Variants in ITGA6 observed in about 807,000 individuals in gnomAD.
ITGA6 encodes the protein integrin subunit alpha 6, also known as integrin alpha-6.
In ITGA6, 63 loss-of-function variants were observed where a neutral mutation model predicts 133.6. The ratio of observed to expected loss-of-function variants is 0.47; its 90% confidence interval spans 0.38 to 0.58. The LOEUF (loss-of-function observed/expected upper bound fraction) is 0.58. Among genes scored for constraint, ITGA6 ranks in the 20% least tolerant of loss-of-function variants. The pLI is 0.00. For synonymous variants in ITGA6, 434 were observed against 482.0 expected (o/e 0.90, Z 1.30); for missense variants, 1,068 against 1,309.4 (o/e 0.82, Z 2.85).
At chr2:172,443,039 GA>G (rs1315254826) in intron 1 of ITGA6, among the ~76,000 whole-genome samples, 24 of 152,168 alleles carry the variant, frequency 1.6e-4, no homozygotes, top group African/African-American at 4.8e-4. Context: ...AAGATGGAAT[GA>G]AAGTCAGCCT....
In ITGA6 at chr2:172,472,707, C is replaced by T. The variant is rs1362654758; in HGVS notation, c.776-1348C>T. 5 of 1,006,350 alleles carry T rather than the reference C, an allele frequency of 5.0e-6. No individual in the cohort carries two copies. The Admixed American group carries it at 8.6e-5, about 17-fold the overall frequency. The allele number at this position is 1,006,350 out of a possible 1,614,324, so 62.3% of individuals were successfully genotyped here. On this transcript the variant is annotated intron_variant, in intron 5 of 25. Coordinates refer to ENST00000684293, the MANE Select transcript of ITGA6 (RefSeq NM_000210.4). The stretch of plus-strand genomic sequence containing the variant: ...CCTCATCCAGCGAGAACAGCAGTGG[C>T]TGTCCTGCCTCTTACCAAGCATAAT...
chr2:172,491,367 AT>A lies in ITGA6; in HGVS notation c.2889+39del, dbSNP rs1406897270. The A allele has an allele frequency of 6.3e-6, 10 of 1,575,404 alleles. No individual in the cohort carries two copies. The highest frequency in any genetic ancestry group is 8.7e-6 in the Non-Finnish European group (10 of 1,144,742). ...GGCTTGAGGCTGTCCCATGGAAGTA[AT>A]TTGCCTTTGCCTAGGACACTTTTCA... On this transcript the variant is annotated intron_variant, in intron 22 of 25. Transcript: ENST00000684293. This position sits in a 1 kb window ranked among gnomAD's most constrained non-coding sequence, Gnocchi z 4.4.
At chr2:172,502,443 C>G (rs1045551236) in intron 25 of ITGA6, among the ~76,000 whole-genome samples, 2 of 152,152 alleles carry the variant, frequency 1.3e-5, no homozygotes, top group Admixed American at 6.5e-5. Context: ...GCTTGGAATG[C>G]TTTTTACTGT....
rs1683897409 is a variant in ITGA6, at chr2:172,427,611, C to G, written c.-178C>G. The G allele has an allele frequency of 7.8e-7, 1 of 1,277,152 alleles. No individual in the cohort carries two copies. The highest frequency in any genetic ancestry group is 4.3e-5 in the Admixed American group (1 of 23,054). The allele number at this position is 1,277,152 out of a possible 1,614,324, so 79.1% of individuals were successfully genotyped here. On this transcript the variant is annotated 5_prime_UTR_variant, in exon 1 of 26. Coordinates refer to ENST00000684293, the MANE Select transcript of ITGA6 (RefSeq NM_000210.4). ...AACGGGCTCATTCAGCGGTCGCGAG[C>G]TGCCCGCGAGGGGGAGCGGCCGGAC...
chr2:172,453,083 G>A (rs962007133), intron 1 of ITGA6, among the ~76,000 whole-genome samples: 1 of 152,212 alleles, frequency 6.6e-6, no homozygotes, highest in Non-Finnish European at 1.5e-5. Flanking sequence ...TTTGCTGAAT[G>A]AAAGAGTGGA....
rs921776096 is a variant in ITGA6 at position 172,487,998 on chromosome 2, A to G, written c.2362A>G (p.Lys788Glu). The change falls in exon 18 of 26, where the codon AAA (lysine) becomes GAA (glutamate). Residue 788 changes from lysine (K) to glutamate (E), a missense_variant. This residue lies in a region of ITGA6 where 609 missense variants were observed against 707.2 expected (regional missense o/e 0.86). Coordinates refer to ENST00000684293, the MANE Select transcript of ITGA6 (RefSeq NM_000210.4). ...AGATAATTTGGCTCCAATTACAGCT[A>G]AAGCAAAAGTGGTTATTGAACTGCT... Reference protein sequence around the residue: ...NQDNLAPITAKAKVVIELLLS... With the variant: ...NQDNLAPITAEAKVVIELLLS... The G allele has an allele frequency of 1.9e-6, 3 of 1,613,974 alleles. No homozygotes were observed. The African/African-American group carries it at 4.0e-5, about 22-fold the overall frequency.
chr2:172,477,045 G>A (rs750894136), intron 9 of ITGA6, among the ~76,000 whole-genome samples: 120 of 152,088 alleles, frequency 7.9e-4, no homozygotes, highest in Non-Finnish European at 1.5e-3. Context: ...CTTCTGACAG[G>A]TTCAGAGCTT....
intron 5 of ITGA6, among the ~76,000 whole-genome samples, chr2:172,472,146 A>C (rs1685969939): frequency 6.6e-6 from 1 of 152,090 alleles, no homozygotes; most frequent in Non-Finnish European, 1.5e-5. Flanking sequence ...ATGCAGCAAA[A>C]CCCCTTCTCT....
At chr2:172,450,877 T>TTATATATTTATATACAAATA (rs1553529368) in intron 1 of ITGA6, among the ~76,000 whole-genome samples, 1 of 140,498 alleles carries the variant, frequency 7.1e-6, no homozygotes, top group African/African-American at 2.9e-5. Context: ...ACAAATATAT[T>TTATATATTTATATACAAATA]TATATATTTA....
At chr2:172,460,488 C>G (rs895025175) in intron 1 of ITGA6, among the ~76,000 whole-genome samples, 28 of 152,130 alleles carry the variant, frequency 1.8e-4, no homozygotes, top group African/African-American at 6.3e-4. Flanking sequence ...TTTGTTCTTT[C>G]CTTTTCATAT....
chr2:172,462,085 G>A (rs962797242), intron 1 of ITGA6, among the ~76,000 whole-genome samples: 1 of 152,198 alleles, frequency 6.6e-6, no homozygotes, highest in Non-Finnish European at 1.5e-5. Flanking sequence ...GGATGAAGGC[G>A]CCTCCAGTTG....
Position 172,488,001 on chromosome 2 carries a change from G to A in ITGA6, c.2365G>A (p.Ala789Thr). The change falls in exon 18 of 26, where the codon GCA (alanine) becomes ACA (threonine). Residue 789 changes from alanine to threonine, a missense_variant. By Grantham distance (58) the Ala-to-Thr change is moderately conservative (BLOSUM62 0). Coordinates refer to ENST00000684293, the MANE Select transcript of ITGA6 (RefSeq NM_000210.4). ...QDNLAPITAKAKVVIELLLSV... is the reference protein window; with the variant it reads ...QDNLAPITAKTKVVIELLLSV... ...TAATTTGGCTCCAATTACAGCTAAAGCAAAAGTGGTTATTGAACTGCTTTT... is the reference window on the plus strand; with the variant it reads ...TAATTTGGCTCCAATTACAGCTAAAACAAAAGTGGTTATTGAACTGCTTTT... 6.2e-7 allele frequency: 1 copy of A among 1,614,038 alleles called. No individual in the cohort carries two copies. The highest frequency in any genetic ancestry group is 8.5e-7 in the Non-Finnish European group (1 of 1,179,948).
In ITGA6 at chr2:172,479,702, C is replaced by T. The variant is rs545486754; in HGVS notation, c.1450C>T (p.Arg484Cys). 28 of 1,613,890 alleles carry T rather than the reference C, an allele frequency of 1.7e-5. No homozygotes were observed. The highest frequency in any genetic ancestry group is 3.3e-4 in the Middle Eastern group (2 of 6,060). The change falls in exon 10 of 26, where the codon CGC becomes TGC. Residue 484 changes from arginine to cysteine, a missense_variant. This residue lies in a region of ITGA6 where 609 missense variants were observed against 707.2 expected (regional missense o/e 0.86). Coordinates refer to ENST00000684293, the MANE Select transcript of ITGA6 (RefSeq NM_000210.4). The stretch of plus-strand genomic sequence containing the variant: ...AGTAACTCCTAACAGAATTGACCTC[C>T]GCCAGAAAACAGCGTGTGGGGCGCC... ...ITVTPNRIDL[R>C]QKTACGAPSG...
At chr2:172,437,297 C>G (rs1353861785) in intron 1 of ITGA6, among the ~76,000 whole-genome samples, 1 of 152,206 alleles carries the variant, frequency 6.6e-6, no homozygotes, top group Admixed American at 6.5e-5. Context: ...ATGATACTGA[C>G]TAGGAGGCTC....
intron 1 of ITGA6, among the ~76,000 whole-genome samples, chr2:172,457,827 G>A (rs1269471771): frequency 1.3e-5 from 2 of 152,144 alleles, no homozygotes; most frequent in Non-Finnish European, 2.9e-5. Context: ...GGTTCCAGAT[G>A]GCAAACTAGG....
At chr2:172,484,054 A>G (rs191923962) in intron 11 of ITGA6, among the ~76,000 whole-genome samples, 1 of 152,284 alleles carries the variant, frequency 6.6e-6, no homozygotes, top group East Asian at 1.9e-4. Context: ...CGGGTGATCC[A>G]CCCACCTTGG....
intron 11 of ITGA6, 47 bp downstream of exon 11, chr2:172,480,098 G>GT (rs1426747556): frequency 3.6e-6 from 4 of 1,115,590 alleles, no homozygotes; most frequent in Non-Finnish European, 5.5e-6. Context: ...TGTCTGCCAG[G>GT]TTGAAAGTTC....
chr2:172,468,966 G>A (rs1381469034), intron 3 of ITGA6, 159 bp from the exon 4 acceptor site: 1 of 735,334 alleles, frequency 1.4e-6, no homozygotes, highest in Non-Finnish European at 2.3e-6. Flanking sequence ...GTGCCACTTT[G>A]GGGAATATTT....
At chr2:172,448,269 A>AT (rs1188462302) in intron 1 of ITGA6, among the ~76,000 whole-genome samples, 13 of 151,416 alleles carry the variant, frequency 8.6e-5, no homozygotes, top group Admixed American at 2.0e-4. Flanking sequence ...CTTGTAATAG[A>AT]TTTTTTTTAA....
Sources: allele counts gnomAD v4.1 joint callset (sites outside exome capture counted in the v4.1 genomes callset), GRCh38; gene constraint gnomAD v4.1.1; regional missense constraint gnomAD v4.1.1; non-coding constraint Gnocchi (gnomAD v3.1); transcripts MANE v1.5; gene names NCBI Gene and HGNC (gene_info 2026-07-23, HGNC 2026-07-21).